Variants in HEATR5B observed in about 807,000 individuals in gnomAD.
HEATR5B encodes HEAT repeat-containing protein 5B.
HEATR5B carries 156 observed loss-of-function variants against 224.1 expected under a neutral mutation model. That is an observed-to-expected ratio of 0.70 (90% CI 0.61 to 0.80). HEATR5B has a LOEUF of 0.80. Ranked by LOEUF, HEATR5B falls within the 30% of genes least tolerant of loss-of-function variation. The pLI is 0.00. For missense variants in HEATR5B, 2,323 were observed against 2,535.5 expected (o/e 0.92, Z 1.80); for synonymous variants, 1,027 against 893.0 (o/e 1.15, Z -2.68).
chr2:36,989,330 C>A (rs547280041), intron 34 of HEATR5B, among the ~76,000 whole-genome samples: 1 of 152,128 alleles, frequency 6.6e-6, no homozygotes, highest in Admixed American at 6.5e-5. Flanking sequence ...GTGATCTGCC[C>A]GCTTTGGCCT....
chr2:37,049,315 A>G (rs1670389616), intron 18 of HEATR5B, among the ~76,000 whole-genome samples: 1 of 152,232 alleles, frequency 6.6e-6, no homozygotes, highest in Non-Finnish European at 1.5e-5. Context: ...AAAGAGGGAC[A>G]AGGAAAGGGA....
chr2:37,059,002 T>C lies in HEATR5B; in HGVS notation c.1850-15A>G. 1 of 1,530,038 alleles carries C rather than the reference T, an allele frequency of 6.5e-7. No individual in the cohort carries two copies. The highest frequency in any genetic ancestry group is 1.2e-5 in the South Asian group (1 of 85,618). 94.8% of individuals were successfully genotyped at this position (1,530,038 alleles called of 1,614,324 possible). A position where few individuals can be genotyped will look rare whatever the true frequency, so the allele number is the denominator to read the frequency against. ...GCTCCTCATGGCTAGATAAAATGTTTAAAAGGACAGATTTGGAGTAGCTTT... is the reference window on the plus strand; with the variant it reads ...GCTCCTCATGGCTAGATAAAATGTTCAAAAGGACAGATTTGGAGTAGCTTT... On this transcript the variant is annotated splice_polypyrimidine_tract_variant and intron_variant, in intron 12 of 35. Transcript: ENST00000233099.
At chr2:37,037,271 G>A (rs987774957) in intron 21 of HEATR5B, among the ~76,000 whole-genome samples, 3 of 150,662 alleles carry the variant, frequency 2.0e-5, no homozygotes, top group Non-Finnish European at 3.0e-5. Context: ...TCAGCCTCCC[G>A]AATAGCTGGG....
chr2:37,070,664 GA>G (rs1402035988), intron 6 of HEATR5B, among the ~76,000 whole-genome samples: 2 of 152,076 alleles, frequency 1.3e-5, no homozygotes, highest in African/African-American at 2.4e-5. Context: ...ACACAATAAG[GA>G]CAAAGCATAC....
At position 37,057,414 on chromosome 2, in the gene HEATR5B, G is replaced by T; in HGVS notation, c.2126C>A (p.Thr709Lys). ...EFTLTDNSAN[T>K]TTSLLRSLCH... ...GAGGGATCTGAGGAGGGAAGTAGTTGTGTTGGCTGAGTTGTCAGTCAAAGT... is the reference window on the plus strand; with the variant it reads ...GAGGGATCTGAGGAGGGAAGTAGTTTTGTTGGCTGAGTTGTCAGTCAAAGT... Residue 709 changes from threonine (T) to lysine (K), a missense_variant, in exon 15 of 36, where the codon ACA becomes AAA. Physicochemically the swap from Thr to Lys is moderately conservative, Grantham distance 78. Coordinates refer to ENST00000233099, the MANE Select transcript of HEATR5B (RefSeq NM_019024.3). 6.2e-7 allele frequency: 1 copy of T among 1,611,640 alleles called. No individual in the cohort carries two copies. The highest frequency in any genetic ancestry group is 8.5e-7 in the Non-Finnish European group (1 of 1,178,820).
At chr2:37,079,585 A>G (rs1672430940) in intron 2 of HEATR5B, among the ~76,000 whole-genome samples, 1 of 152,194 alleles carries the variant, frequency 6.6e-6, no homozygotes, top group African/African-American at 2.4e-5. Context: ...CTCTGATTCA[A>G]AAAGTTATGA....
intron 17 of HEATR5B, 120 bp downstream of exon 17, chr2:37,053,382 G>A (rs1670682283): frequency 1.8e-5 from 8 of 454,066 alleles, no homozygotes; most frequent in Non-Finnish European, 3.1e-5. Flanking sequence ...CTAAGCTAAC[G>A]TAAAGGCACA....
intron 34 of HEATR5B, 66 bp from the exon 35 acceptor site, chr2:36,988,925 G>T (rs1468567348): frequency 3.4e-6 from 4 of 1,185,940 alleles, no homozygotes; most frequent in Non-Finnish European, 5.0e-6. Flanking sequence ...CAATCACATT[G>T]CATCTTACTA....
intron 26 of HEATR5B, among the ~76,000 whole-genome samples, chr2:37,017,755 T>C (rs1047665813): frequency 3.3e-5 from 5 of 151,912 alleles, no homozygotes; most frequent in Admixed American, 6.6e-5. Flanking sequence ...GGATTTTGTT[T>C]ATGAAGAATG....
chr2:37,067,643 C>T (rs1572928714), intron 8 of HEATR5B, among the ~76,000 whole-genome samples: 1 of 152,002 alleles, frequency 6.6e-6, no homozygotes, highest in Admixed American at 6.6e-5. Flanking sequence ...TGGTGGCACA[C>T]GCCTGTAATA....
At chr2:37,067,276 T>C (rs2148577811) in intron 8 of HEATR5B, among the ~76,000 whole-genome samples, 1 of 152,320 alleles carries the variant, frequency 6.6e-6, no homozygotes, top group South Asian at 2.1e-4. Context: ...TGTATGCATC[T>C]GGCTTGCTAT....
Position 37,032,631 on chromosome 2 carries a change from G to A in HEATR5B, c.3359C>T (p.Ala1120Val), listed in dbSNP as rs1267102125. ...TATTGACCAATAATATAACTTACTGGCACTACTGCTCTCTTTGTCCCCTGT... is the reference window on the plus strand; with the variant it reads ...TATTGACCAATAATATAACTTACTGACACTACTGCTCTCTTTGTCCCCTGT... ...KNTGDKESSSANVSPFAPGVS... is the reference protein window; with the variant it reads ...KNTGDKESSSVNVSPFAPGVS... Residue 1120 changes from alanine to valine, a missense_variant and splice_region_variant, in exon 22 of 36, where the codon GCC becomes GTC. By Grantham distance (64) the Ala-to-Val change is moderately conservative (BLOSUM62 0). Coordinates refer to ENST00000233099, the MANE Select transcript of HEATR5B (RefSeq NM_019024.3). The A allele has an allele frequency of 1.9e-6, 3 of 1,608,616 alleles. No homozygotes were observed. The highest frequency in any genetic ancestry group is 8.5e-7 in the Non-Finnish European group (1 of 1,178,102).
At chr2:36,988,200 AAAAC>A (rs1186584293) in intron 35 of HEATR5B, among the ~76,000 whole-genome samples, 14 of 151,950 alleles carry the variant, frequency 9.2e-5, no homozygotes, top group South Asian at 2.1e-4. Context: ...TTCCTGCTCA[AAAAC>A]AAACAAAGAA....
chr2:37,068,093 G>A (rs1671693919), intron 8 of HEATR5B, among the ~76,000 whole-genome samples: 1 of 152,104 alleles, frequency 6.6e-6, no homozygotes, highest in Non-Finnish European at 1.5e-5. Flanking sequence ...AAAGCTCCAT[G>A]AAGGGAGAAA....
At chr2:37,052,262 G>T (rs937800580) in intron 17 of HEATR5B, among the ~76,000 whole-genome samples, 1 of 152,166 alleles carries the variant, frequency 6.6e-6, no homozygotes, top group African/African-American at 2.4e-5. Flanking sequence ...CAAACTATTT[G>T]TAACAGTGGT....
chr2:37,047,035 CAAAAAAAAAA>C (rs57343074), intron 18 of HEATR5B, among the ~76,000 whole-genome samples: 6 of 45,420 alleles, frequency 1.3e-4, no homozygotes, highest in Admixed American at 2.8e-4. Flanking sequence ...GACTCCACCT[CAAAAAAAAAA>C]AAAAAAAAAA....
At chr2:36,984,945 T>G (rs552650319) in intron 35 of HEATR5B, among the ~76,000 whole-genome samples, 1 of 152,156 alleles carries the variant, frequency 6.6e-6, no homozygotes, top group Non-Finnish European at 1.5e-5. Flanking sequence ...GGACAAGATT[T>G]GAATAACAGA....
rs187101590 is a variant in HEATR5B, at chr2:37,030,797, T to C, written c.3361+1832A>G. Among the ~76,000 whole-genome samples the C allele has an allele frequency of 2.0e-5, 3 of 152,348 alleles. No individual in the cohort carries two copies. The East Asian group carries it at 5.8e-4, about 29-fold the overall frequency. ...TTATAAAATGTGCTCTAGTGGTTTT[T>C]ACCAGGTGCAAAAACAAATTAACAC... On this transcript the variant is annotated intron_variant, in intron 22 of 35. Coordinates refer to ENST00000233099, the MANE Select transcript of HEATR5B (RefSeq NM_019024.3).
chr2:37,027,239 G>C (rs1478314873), intron 24 of HEATR5B, among the ~76,000 whole-genome samples: 1 of 152,108 alleles, frequency 6.6e-6, no homozygotes, highest in Non-Finnish European at 1.5e-5. Flanking sequence ...AAAAATGACT[G>C]GGTGATGAAG....
Sources: allele counts gnomAD v4.1 joint callset (sites outside exome capture counted in the v4.1 genomes callset), GRCh38; gene constraint gnomAD v4.1.1; transcripts MANE v1.5; gene names NCBI Gene and HGNC (gene_info 2026-07-23, HGNC 2026-07-21).